PCDHA11: variants seen among roughly 807,000 people sequenced by gnomAD.
PCDHA11 encodes protocadherin alpha 11.
Under a neutral mutation model 70.3 loss-of-function variants are expected in PCDHA11, and 61 were observed. The ratio of observed to expected loss-of-function variants is 0.87; its 90% CI spans 0.71 to 1.07. The LOEUF (loss-of-function observed/expected upper bound fraction) is 1.07. PCDHA11 is among the 50% of genes least tolerant of loss of function. The pLI, the probability that PCDHA11 is intolerant of heterozygous loss-of-function variation, is 0.00. For missense variants in PCDHA11, 1,324 were observed against 1,237.5 expected (o/e 1.07, Z -1.05); for synonymous variants, 633 against 555.1 (o/e 1.14, Z -1.97).
chr5:140,936,037 C>A (rs2090734622), intron 1 of PCDHA11, among the ~76,000 whole-genome samples: 2 of 151,862 alleles, frequency 1.3e-5, no homozygotes, highest in Non-Finnish European at 1.5e-5. Flanking sequence ...GGATTACAGG[C>A]ACCCACCACC....
chr5:140,968,643 A>G (rs2096261293), intron 1 of PCDHA11: 1 of 1,614,198 alleles, frequency 6.2e-7, no homozygotes. Context: ...CATCTAGCCC[A>G]GACTTCTGAC....
intron 1 of PCDHA11, among the ~76,000 whole-genome samples, chr5:140,955,906 G>T (rs1044355938): frequency 2.0e-5 from 3 of 152,040 alleles, no homozygotes; most frequent in East Asian, 3.9e-4. Flanking sequence ...TCTCTTTGTA[G>T]CAATTGTGAA....
chr5:140,875,818 G>T (rs2055839936), intron 1 of PCDHA11: 1 of 1,614,100 alleles, frequency 6.2e-7, no homozygotes, highest in East Asian at 2.2e-5. Flanking sequence ...GCCGCTGCAG[G>T]TTTTCCATGT....
Position 140,869,309 on chromosome 5 carries a change from A to T in PCDHA11, c.206A>T (p.Lys69Ile). The T allele has an allele frequency of 6.2e-7, 1 of 1,613,682 alleles. No homozygotes were observed. The highest frequency in any genetic ancestry group is 8.5e-7 in the Non-Finnish European group (1 of 1,179,980). The change falls in exon 1 of 4, where the codon AAA (lysine) becomes ATA (isoleucine). Residue 69 changes from lysine to isoleucine, a missense_variant. Lys to Ile is a moderately radical substitution (Grantham distance 102). Transcript: ENST00000398640. ...LVQRLFRVAS[K>I]THGDLLEVNL... ...CAGCGCCTGTTCCGGGTGGCGTCCAAAACACATGGGGACCTTCTGGAGGTA... is the reference window on the plus strand; with the variant it reads ...CAGCGCCTGTTCCGGGTGGCGTCCATAACACATGGGGACCTTCTGGAGGTA...
intron 1 of PCDHA11, among the ~76,000 whole-genome samples, chr5:140,905,080 C>G (rs2071583789): frequency 6.6e-6 from 1 of 152,128 alleles, no homozygotes; most frequent in Non-Finnish European, 1.5e-5. Flanking sequence ...GTTGCACTTT[C>G]TTTTGGGTTC....
intron 1 of PCDHA11, among the ~76,000 whole-genome samples, chr5:140,963,504 G>T (rs1044640224): frequency 4.6e-5 from 7 of 152,222 alleles, no homozygotes; most frequent in Admixed American, 1.3e-4. Flanking sequence ...CAAATCTCTT[G>T]AAGGGGTTCT....
intron 1 of PCDHA11, among the ~76,000 whole-genome samples, chr5:140,897,778 TG>T (rs1385536315): frequency 6.6e-6 from 1 of 152,208 alleles, no homozygotes; most frequent in Non-Finnish European, 1.5e-5. Flanking sequence ...ACTTCCACAA[TG>T]GTTGAACTAG....
chr5:140,947,539 C>G (rs144026826), intron 1 of PCDHA11, among the ~76,000 whole-genome samples: 3 of 151,678 alleles, frequency 2.0e-5, no homozygotes, highest in Admixed American at 2.0e-4. Context: ...TCAATTTCTA[C>G]AAAGAATTCC....
intron 1 of PCDHA11, among the ~76,000 whole-genome samples, chr5:140,940,805 A>G (rs957278090): frequency 6.6e-6 from 1 of 152,202 alleles, no homozygotes. Context: ...ATTTGCCAGG[A>G]TATCCTGAGA....
intron 1 of PCDHA11, chr5:140,967,630 C>T (rs1278035224): frequency 3.7e-6 from 6 of 1,613,982 alleles, no homozygotes; most frequent in Non-Finnish European, 5.1e-6. Context: ...ATGAGGGCTC[C>T]AATGGTGAGC....
intron 1 of PCDHA11, chr5:140,883,740 C>A: frequency 6.2e-7 from 1 of 1,613,368 alleles, no homozygotes; most frequent in Non-Finnish European, 8.5e-7. Context: ...GCGCTGGTCT[C>A]CTACTCGCTG....
chr5:140,870,055 G>A lies in PCDHA11; in HGVS notation c.952G>A (p.Glu318Lys), dbSNP rs868919509. ...DYEENKFYKIEVQATDKGTPP... is the reference protein window; with the variant it reads ...DYEENKFYKIKVQATDKGTPP... ...TGAAGAAAACAAGTTTTATAAAATT[G>A]AAGTACAGGCTACAGATAAGGGGAC... Residue 318 changes from glutamate to lysine, a missense_variant, in exon 1 of 4, where the codon GAA becomes AAA. By Grantham distance (56) the Glu-to-Lys change is moderately conservative (BLOSUM62 1). Transcript: ENST00000398640. 3.7e-6 allele frequency: 6 copies of A among 1,613,774 alleles called. No homozygotes were observed. The highest frequency in any genetic ancestry group is 5.1e-6 in the Non-Finnish European group (6 of 1,179,874).
intron 1 of PCDHA11, among the ~76,000 whole-genome samples, chr5:140,890,818 A>G (rs1170693390): frequency 1.3e-5 from 2 of 152,204 alleles, no homozygotes; most frequent in African/African-American, 4.8e-5. Flanking sequence ...ATTGTTTTAA[A>G]TGTACTTACA....
At chr5:140,876,558 T>C in intron 1 of PCDHA11, 1 of 1,614,216 alleles carries the variant, frequency 6.2e-7, no homozygotes, top group Non-Finnish European at 8.5e-7. Flanking sequence ...TGCAAGAGGA[T>C]GCTCAGGTGG....
At chr5:140,889,213 G>A (rs1463412254) in intron 1 of PCDHA11, among the ~76,000 whole-genome samples, 1 of 151,602 alleles carries the variant, frequency 6.6e-6, no homozygotes, top group African/African-American at 2.4e-5. Context: ...TAACAAAGAA[G>A]AATAGTCTTT....
intron 1 of PCDHA11, chr5:140,875,175 T>G (rs1301346750): frequency 5.0e-6 from 2 of 399,086 alleles, no homozygotes; most frequent in African/African-American, 4.1e-5. Context: ...GTCGAAACAT[T>G]AGAATTAAGA....
chr5:140,879,740 T>G (rs1337276853), intron 1 of PCDHA11, among the ~76,000 whole-genome samples: 1 of 152,200 alleles, frequency 6.6e-6, no homozygotes, highest in East Asian at 1.9e-4. Flanking sequence ...ATCAAGGTGT[T>G]GTCAAGGCTA....
chr5:140,957,446 C>T (rs1357499949), intron 1 of PCDHA11, among the ~76,000 whole-genome samples: 2 of 152,216 alleles, frequency 1.3e-5, no homozygotes, highest in East Asian at 1.9e-4. Context: ...TTATAAATCA[C>T]ACTTTATCAT....
chr5:140,900,534 T>C (rs1583392378), intron 1 of PCDHA11, among the ~76,000 whole-genome samples: 1 of 152,202 alleles, frequency 6.6e-6, no homozygotes, highest in Admixed American at 6.5e-5. Context: ...ACCTCGGCTT[T>C]CCAAAGTGCT....
Sources: allele counts gnomAD v4.1 joint callset (sites outside exome capture counted in the v4.1 genomes callset), GRCh38; gene constraint gnomAD v4.1.1; transcripts MANE v1.5; gene names NCBI Gene and HGNC (gene_info 2026-07-23, HGNC 2026-07-21).